ACAD10: variants seen among roughly 807,000 people sequenced by gnomAD.
The protein encoded by ACAD10 is acyl-CoA dehydrogenase family member 10, also known as ACAD-10.
Under a neutral mutation model 116.8 loss-of-function variants are expected in ACAD10, and 112 were observed. That is an observed-to-expected ratio of 0.96 (90% CI 0.82 to 1.12). The LOEUF (loss-of-function observed/expected upper bound fraction) is 1.12. Ranked by LOEUF, ACAD10 falls within the 50% of genes most tolerant of loss-of-function variation. The pLI is 0.00. For synonymous variants in ACAD10, 486 were observed against 510.6 expected (o/e 0.95, Z 0.65); for missense variants, 1,259 against 1,350.2 (o/e 0.93, Z 1.06).
chr12:111,724,736 T>C (rs1226810874), intron 8 of ACAD10, among the ~76,000 whole-genome samples: 1 of 151,390 alleles, frequency 6.6e-6, no homozygotes, highest in Non-Finnish European at 1.5e-5. Context: ...TGAGCTGAGA[T>C]GGCAGCAGTA....
At chr12:111,754,027 T>C in intron 19 of ACAD10, 112 bp downstream of exon 19, 1 of 1,406,142 alleles carries the variant, frequency 7.1e-7, no homozygotes, top group South Asian at 1.5e-5. Context: ...CACCTCTACT[T>C]GGAGCTGTTT....
At chr12:111,734,196 G>A in intron 11 of ACAD10, 128 bp downstream of exon 11, 2 of 1,309,888 alleles carry the variant, frequency 1.5e-6, no homozygotes, top group Non-Finnish European at 2.1e-6. Flanking sequence ...GTTCTGGTGG[G>A]AAACATAACT....
chr12:111,747,361 A>C lies in ACAD10; in HGVS notation c.2461A>C (p.Asn821His), dbSNP rs1239710163. 2 of 1,614,046 alleles carry C rather than the reference A, an allele frequency of 1.2e-6. No homozygotes were observed. Among genetic ancestry groups the C allele is most frequent in the African/African-American group, 2.7e-5 (2 of 74,902 alleles). The change falls in exon 16 of 21, where the codon AAC (asparagine) becomes CAC (histidine). Residue 821 changes from asparagine (N) to histidine (H), a missense_variant. Physicochemically the swap from Asn to His is moderately conservative, Grantham distance 68. Transcript: ENST00000313698. ...IREEDSFYVI[N>H]GHKWWITGIL... ...AGAGGAGGACAGCTTCTATGTCATA[A>C]ACGGTCACAAATGGTGGATCACAGG...
intron 8 of ACAD10, among the ~76,000 whole-genome samples, chr12:111,724,205 C>T (rs972823741): frequency 3.3e-5 from 5 of 149,510 alleles, no homozygotes; most frequent in African/African-American, 7.4e-5. Context: ...CAGAGACGCT[C>T]CTCACTTCCT....
At chr12:111,714,643 C>T (rs1299517000) in intron 6 of ACAD10, among the ~76,000 whole-genome samples, 2 of 152,020 alleles carry the variant, frequency 1.3e-5, no homozygotes, top group Non-Finnish European at 2.9e-5. Context: ...GCCTGGACGA[C>T]AGAGGGAGAG....
intron 1 of ACAD10, 94 bp from the exon 2 acceptor site, chr12:111,692,603 A>C: frequency 2.9e-5 from 37 of 1,256,740 alleles, no homozygotes; most frequent in Non-Finnish European, 3.9e-5. Flanking sequence ...GAGATGGGTT[A>C]GAGATGTCTG....
intron 2 of ACAD10, among the ~76,000 whole-genome samples, chr12:111,699,463 C>T (rs1022582886): frequency 6.6e-6 from 1 of 151,556 alleles, no homozygotes; most frequent in Admixed American, 6.6e-5. Context: ...AAAAATTGCC[C>T]GTGTGTGTTG....
At chr12:111,715,576 A>G (rs1888817256) in intron 6 of ACAD10, 1 of 464,292 alleles carries the variant, frequency 2.2e-6, no homozygotes. Context: ...TGAGAAAATT[A>G]CTGTGGTATA....
intron 14 of ACAD10, 88 bp from the exon 15 acceptor site, chr12:111,746,961 C>G: frequency 6.7e-7 from 1 of 1,496,224 alleles, no homozygotes; most frequent in Non-Finnish European, 8.9e-7. Flanking sequence ...GATCGTGCCA[C>G]GATACTCCAG....
chr12:111,749,097 G>A, intron 17 of ACAD10, 76 bp from the exon 18 acceptor site: 1 of 1,613,726 alleles, frequency 6.2e-7, no homozygotes, highest in Non-Finnish European at 8.5e-7. Context: ...AGATAACCCA[G>A]ACTGAGGTGA....
chr12:111,702,195 C>CAA lies in ACAD10; in HGVS notation c.221_222insAA (p.Leu76TyrfsTer2). ...GTACAGAATCGTATCCCTTCTGGAA[C>CAA]TATATTAAAGGCCTTGATGGAAGGT... On this transcript the variant is annotated frameshift_variant, in exon 3 of 21. Coordinates refer to ENST00000313698, the MANE Select transcript of ACAD10 (RefSeq NM_025247.6). LOFTEE classifies it high-confidence loss of function. 1 of 1,613,896 alleles carries CAA rather than the reference C, an allele frequency of 6.2e-7. No homozygotes were observed. Among genetic ancestry groups the CAA allele is most frequent in the African/African-American group, 1.3e-5 (1 of 74,974 alleles).
In ACAD10 at chr12:111,729,956, G is replaced by A. The variant is rs756511585; in HGVS notation, c.1394G>A (p.Arg465Lys). 6.2e-7 allele frequency: 1 copy of A among 1,613,172 alleles called. No individual in the cohort carries two copies. Among genetic ancestry groups the A allele is most frequent in the South Asian group, 1.1e-5 (1 of 90,996 alleles). The change falls in exon 10 of 21, where the codon AGG becomes AAG. Residue 465 changes from arginine (R) to lysine (K), a missense_variant and splice_region_variant. Coordinates refer to ENST00000313698, the MANE Select transcript of ACAD10 (RefSeq NM_025247.6). ...ACCACAGTGGTGCACGGGGACTTCA[G>A]GTAGATGTGGTGGCAGGGAGAGCTG... ...QRTTVVHGDF[R>K]LDNLVFHPEE...
intron 2 of ACAD10, among the ~76,000 whole-genome samples, chr12:111,697,114 G>A (rs2135945468): frequency 6.6e-6 from 1 of 151,336 alleles, no homozygotes; most frequent in South Asian, 2.1e-4. Context: ...GGTAGTCCAT[G>A]CCTGTAATCC....
intron 5 of ACAD10, 114 bp from the exon 6 acceptor site, chr12:111,712,384 C>A: frequency 1.0e-6 from 1 of 1,002,956 alleles, no homozygotes; most frequent in Non-Finnish European, 1.4e-6. Flanking sequence ...CCTGTACTAC[C>A]ATGAATTGTA....
Position 111,733,932 on chromosome 12 carries a change from C to G in ACAD10, c.1404C>G (p.Asn468Lys), listed in dbSNP as rs1282647714. 6.2e-7 allele frequency: 1 copy of G among 1,614,096 alleles called. No individual in the cohort carries two copies. Among genetic ancestry groups the G allele is most frequent in the African/African-American group, 1.3e-5 (1 of 74,944 alleles). The change falls in exon 11 of 21, where the codon AAC (asparagine) becomes AAG (lysine). Residue 468 changes from asparagine to lysine, a missense_variant. Physicochemically the swap from Asn to Lys is moderately conservative, Grantham distance 94. Coordinates refer to ENST00000313698, the MANE Select transcript of ACAD10 (RefSeq NM_025247.6). ...TCCTGCGACTTTTCAGGCTCGACAA[C>G]CTGGTGTTTCATCCAGAAGAGCCAG... The part of the protein sequence containing the change: ...TVVHGDFRLD[N>K]LVFHPEEPEV...
chr12:111,693,092 T>C, intron 2 of ACAD10, 196 bp downstream of exon 2: 1 of 605,082 alleles, frequency 1.7e-6, no homozygotes, highest in South Asian at 2.0e-5. Flanking sequence ...CAAATCTTAC[T>C]TTCCTCATCA....
chr12:111,721,345 A>G (rs1816327059), intron 7 of ACAD10, among the ~76,000 whole-genome samples: 1 of 152,166 alleles, frequency 6.6e-6, no homozygotes, highest in South Asian at 2.1e-4. Flanking sequence ...GGGCAGGTGG[A>G]TCACCTGAGG....
chr12:111,712,043 AAAGT>A (rs1323717389), intron 5 of ACAD10, among the ~76,000 whole-genome samples: 1 of 152,148 alleles, frequency 6.6e-6, no homozygotes, highest in Non-Finnish European at 1.5e-5. Context: ...CCTCTTTTAA[AAAGT>A]TTTAAGTTGC....
At chr12:111,720,575 G>A (rs923794517) in intron 7 of ACAD10, among the ~76,000 whole-genome samples, 1 of 151,984 alleles carries the variant, frequency 6.6e-6, no homozygotes, top group Non-Finnish European at 1.5e-5. Context: ...CTGTCGTAAA[G>A]GCTGCTTTAT....
Sources: allele counts gnomAD v4.1 joint callset (sites outside exome capture counted in the v4.1 genomes callset), GRCh38; gene constraint gnomAD v4.1.1; transcripts MANE v1.5; gene names NCBI Gene and HGNC (gene_info 2026-07-23, HGNC 2026-07-21).